CAB39: variants seen among roughly 807,000 people sequenced by gnomAD.
The protein encoded by CAB39 is calcium-binding protein 39.
A neutral mutation model predicts 40.0 loss-of-function variants in CAB39; 8 were observed. The observed-to-expected ratio is 0.20, with a 90% CI of 0.12 to 0.36. The LOEUF (loss-of-function observed/expected upper bound fraction) is 0.36. CAB39 is among the 10% of genes least tolerant of loss of function. The pLI, the probability that CAB39 is intolerant of heterozygous loss-of-function variation, is 1.00. For missense variants in CAB39, 270 were observed against 401.1 expected (o/e 0.67, Z 2.79); for synonymous variants, 156 against 141.6 (o/e 1.10, Z -0.72).
chr2:230,738,038 TATC>T (rs1694817039), intron 1 of CAB39, among the ~76,000 whole-genome samples: 3 of 152,248 alleles, frequency 2.0e-5, no homozygotes, highest in African/African-American at 2.4e-5. Flanking sequence ...TTTCTCGCCT[TATC>T]ATGCTTCAGA....
chr2:230,730,591 C>T (rs1360298235), intron 1 of CAB39, among the ~76,000 whole-genome samples: 1 of 151,846 alleles, frequency 6.6e-6, no homozygotes, highest in African/African-American at 2.4e-5. Context: ...TTATAGGCAC[C>T]TGCCACCACA....
chr2:230,741,202 T>C (rs753960195), intron 1 of CAB39, among the ~76,000 whole-genome samples: 13 of 152,248 alleles, frequency 8.5e-5, no homozygotes, highest in Non-Finnish European at 1.3e-4. Context: ...GCAGATTCAA[T>C]GTGAATATAT....
chr2:230,717,019 A>T (rs1490656961), intron 1 of CAB39, among the ~76,000 whole-genome samples: 2 of 152,142 alleles, frequency 1.3e-5, no homozygotes, highest in Non-Finnish European at 2.9e-5. Flanking sequence ...TATATAAAAT[A>T]AAAATAATAA....
chr2:230,805,666 G>C (rs1482710559), intron 5 of CAB39, among the ~76,000 whole-genome samples: 1 of 152,174 alleles, frequency 6.6e-6, no homozygotes, highest in Non-Finnish European at 1.5e-5. Flanking sequence ...AACATTAGCT[G>C]TTAGAATTAC....
chr2:230,786,413 A>G (rs1046332930), intron 2 of CAB39, among the ~76,000 whole-genome samples: 2 of 152,116 alleles, frequency 1.3e-5, no homozygotes, highest in African/African-American at 2.4e-5. Context: ...TACATGCCGT[A>G]TAGTTCACCC....
chr2:230,736,848 A>G (rs559106577), intron 1 of CAB39, among the ~76,000 whole-genome samples: 39 of 152,112 alleles, frequency 2.6e-4, no homozygotes, highest in Non-Finnish European at 4.6e-4. Context: ...CAGTTTAATT[A>G]AATCATTTTT....
At position 230,771,022 on chromosome 2, in the gene CAB39, G is replaced by A. The variant is rs1357773801; in HGVS notation, c.114+10907G>A. On this transcript the variant is annotated intron_variant, in intron 2 of 8. Transcript: ENST00000258418. ...ACTTTCACCACAACTATTCAACTTC[G>A]TACTTGGAGGTTCTAGCCTATGCAG... Among the ~76,000 whole-genome samples, 7 of 152,112 alleles carry A rather than the reference G, an allele frequency of 4.6e-5. 1 individual carries two copies. The highest frequency in any genetic ancestry group is 3.9e-4 in the Admixed American group (6 of 15,276).
At chr2:230,758,438 G>A (rs1695232119) in intron 1 of CAB39, among the ~76,000 whole-genome samples, 1 of 152,170 alleles carries the variant, frequency 6.6e-6, no homozygotes, top group Non-Finnish European at 1.5e-5. Flanking sequence ...TTTGGGGTTA[G>A]AGATTGGTTG....
chr2:230,802,296 C>A (rs1197796636), intron 5 of CAB39, among the ~76,000 whole-genome samples: 1 of 151,976 alleles, frequency 6.6e-6, no homozygotes. Flanking sequence ...CACTAAATGC[C>A]CACAAGAGAA....
intron 5 of CAB39, among the ~76,000 whole-genome samples, chr2:230,804,562 C>T (rs1696155412): frequency 6.6e-6 from 1 of 152,120 alleles, no homozygotes; most frequent in South Asian, 2.1e-4. Flanking sequence ...AAAAATCAAA[C>T]AACCCCATCA....
At chr2:230,778,399 C>T (rs958799865) in intron 2 of CAB39, among the ~76,000 whole-genome samples, 2 of 152,180 alleles carry the variant, frequency 1.3e-5, no homozygotes, top group African/African-American at 2.4e-5. Context: ...GGTATGTGAG[C>T]TGTCTTCTCG....
Position 230,760,083 on chromosome 2 carries a change from A to C in CAB39, c.82A>C (p.Lys28Gln). 5 of 1,612,840 alleles carry C rather than the reference A, an allele frequency of 3.1e-6. No individual in the cohort carries two copies. The highest frequency in any genetic ancestry group is 4.2e-6 in the Non-Finnish European group (5 of 1,178,798). ...GAAGGAGAGCATGGCTGTTCTGGAAAAGCAAGACATTTCTGATAAAAAAGC... is the reference window on the plus strand; with the variant it reads ...GAAGGAGAGCATGGCTGTTCTGGAACAGCAAGACATTTCTGATAAAAAAGC... ...NLKESMAVLE[K>Q]QDISDKKAEK... Residue 28 changes from lysine to glutamine, a missense_variant, in exon 2 of 9, where the codon AAG becomes CAG. By Grantham distance (53) the Lys-to-Gln change is moderately conservative (BLOSUM62 1). Transcript: ENST00000258418.
intron 1 of CAB39, among the ~76,000 whole-genome samples, chr2:230,754,746 T>G (rs766405227): frequency 2.0e-5 from 3 of 152,198 alleles, no homozygotes; most frequent in Non-Finnish European, 4.4e-5. Context: ...CTCAAACTCC[T>G]GATCTCAGGT....
intron 1 of CAB39, among the ~76,000 whole-genome samples, chr2:230,751,330 G>A (rs535092684): frequency 2.0e-5 from 3 of 152,210 alleles, no homozygotes; most frequent in South Asian, 4.1e-4. Context: ...AAACACATAC[G>A]CCCACATCCA....
intron 1 of CAB39, among the ~76,000 whole-genome samples, chr2:230,752,550 A>G (rs1210010443): frequency 6.6e-6 from 1 of 152,194 alleles, no homozygotes; most frequent in Admixed American, 6.5e-5. Flanking sequence ...TCCTCGTTAT[A>G]GTGACAGGAG....
rs1695638667 is a variant in CAB39 at position 230,778,778 on chromosome 2, C to T, written c.115-12094C>T. Among the ~76,000 whole-genome samples the T allele has an allele frequency of 2.0e-5, 3 of 152,170 alleles. No homozygotes were observed. The South Asian group carries it at 6.2e-4, about 32-fold the overall frequency. ...TGCATCATTAGGCGATTTCTTCCAG[C>T]CTGTTGCTCCTAGGCTACAAATCTG... On this transcript the variant is annotated intron_variant, in intron 2 of 8. Coordinates refer to ENST00000258418, the MANE Select transcript of CAB39 (RefSeq NM_016289.4).
At position 230,818,908 on chromosome 2, in the gene CAB39, C is replaced by A. The variant is rs940702180; in HGVS notation, c.*204C>A. The A allele has an allele frequency of 8.5e-5, 42 of 495,362 alleles. No homozygotes were observed. Among genetic ancestry groups the A allele is most frequent in the African/African-American group, 8.0e-4 (41 of 51,272 alleles). 30.7% of individuals were successfully genotyped at this position (495,362 alleles called of 1,614,324 possible). A position where few individuals can be genotyped will look rare whatever the true frequency, so the allele number is the denominator to read the frequency against. On this transcript the variant is annotated 3_prime_UTR_variant, in exon 9 of 9. Transcript: ENST00000258418. Reference sequence around the variant, plus strand: ...ACACTAGGGCACATGTGGGCTTTCTCTTGATCTTTGTGTCATTTCAGAATT... The same window carrying A: ...ACACTAGGGCACATGTGGGCTTTCTATTGATCTTTGTGTCATTTCAGAATT...
intron 1 of CAB39, among the ~76,000 whole-genome samples, chr2:230,743,963 C>T (rs776510688): frequency 4.0e-5 from 6 of 150,342 alleles, no homozygotes; most frequent in Non-Finnish European, 8.9e-5. Context: ...TCTGTCACCC[C>T]GGCTGGAGTG....
chr2:230,762,548 C>T (rs1253149819), intron 2 of CAB39, among the ~76,000 whole-genome samples: 2 of 152,216 alleles, frequency 1.3e-5, no homozygotes, highest in Non-Finnish European at 2.9e-5. Context: ...GAGCAGACCC[C>T]ACAGAGTAGA....
Sources: allele counts gnomAD v4.1 joint callset (sites outside exome capture counted in the v4.1 genomes callset), GRCh38; gene constraint gnomAD v4.1.1; transcripts MANE v1.5; gene names NCBI Gene and HGNC (gene_info 2026-07-23, HGNC 2026-07-21).